GFRA1: variants seen among roughly 807,000 people sequenced by gnomAD.
GFRA1 encodes the protein GDNF family receptor alpha 1, also known as GDNF family receptor alpha-1.
GFRA1 carries 16 observed loss-of-function variants against 51.6 expected under a neutral mutation model. The observed-to-expected ratio is 0.31, with a 90% CI of 0.21 to 0.47. GFRA1 has a LOEUF of 0.47. GFRA1 is among the 20% of genes least tolerant of loss of function. GFRA1 has a pLI of 1.00. For missense variants in GFRA1, 530 were observed against 594.3 expected (o/e 0.89, Z 1.13); for synonymous variants, 270 against 241.3 (o/e 1.12, Z -1.10).
At chr10:116,130,097 A>G (rs893827443) in intron 5 of GFRA1, among the ~76,000 whole-genome samples, 2 of 151,394 alleles carry the variant, frequency 1.3e-5, no homozygotes, top group Non-Finnish European at 1.5e-5. Flanking sequence ...AAAAAAAAGC[A>G]CTTAAAAGGA....
chr10:116,205,143 C>T (rs1429709250), intron 5 of GFRA1, among the ~76,000 whole-genome samples: 2 of 152,152 alleles, frequency 1.3e-5, no homozygotes, highest in Non-Finnish European at 2.9e-5. Flanking sequence ...CTGTCATTGA[C>T]TGAACCACTG....
At chr10:116,137,170 T>A (rs1958361746) in intron 5 of GFRA1, among the ~76,000 whole-genome samples, 1 of 152,188 alleles carries the variant, frequency 6.6e-6, no homozygotes, top group African/African-American at 2.4e-5. Flanking sequence ...ATGTCACTTC[T>A]ACTACACAAT....
At chr10:116,240,062 T>C (rs1206560117) in intron 4 of GFRA1, among the ~76,000 whole-genome samples, 2 of 152,156 alleles carry the variant, frequency 1.3e-5, no homozygotes, top group Non-Finnish European at 2.9e-5. Context: ...TTCTCTATGA[T>C]GTATTATTAA....
chr10:116,207,949 T>C (rs1964910402), intron 5 of GFRA1, among the ~76,000 whole-genome samples: 1 of 152,090 alleles, frequency 6.6e-6, no homozygotes, highest in East Asian at 1.9e-4. Flanking sequence ...GCACTTCTCA[T>C]GTACTGTTCT....
chr10:116,148,095 T>TGTGCATGCGC, intron 5 of GFRA1, among the ~76,000 whole-genome samples: 1 of 148,246 alleles, frequency 6.7e-6, no homozygotes, highest in East Asian at 2.0e-4. Context: ...TGTGCATGCG[T>TGTGCATGCGC]GTGTGCATGC....
At chr10:116,149,668 G>T (rs1163371852) in intron 5 of GFRA1, among the ~76,000 whole-genome samples, 1 of 152,166 alleles carries the variant, frequency 6.6e-6, no homozygotes, top group African/African-American at 2.4e-5. Context: ...CTATCTTAAT[G>T]ATACAGATTC....
intron 5 of GFRA1, among the ~76,000 whole-genome samples, chr10:116,165,234 A>C (rs1960253164): frequency 6.6e-6 from 1 of 152,166 alleles, no homozygotes; most frequent in South Asian, 2.1e-4. Flanking sequence ...AGGAATGCTC[A>C]AAATAGCAGA....
At chr10:116,196,646 T>A (rs1176050791) in intron 5 of GFRA1, among the ~76,000 whole-genome samples, 1 of 8,154 alleles carries the variant, frequency 1.2e-4, no homozygotes, top group Non-Finnish European at 3.0e-4. Flanking sequence ...GTACTATATA[T>A]AATATATATA....
At chr10:116,181,133 T>C (rs1962177251) in intron 5 of GFRA1, among the ~76,000 whole-genome samples, 1 of 152,226 alleles carries the variant, frequency 6.6e-6, no homozygotes, top group Non-Finnish European at 1.5e-5. Flanking sequence ...AAAGATGTTA[T>C]TATTCTTATG....
intron 4 of GFRA1, among the ~76,000 whole-genome samples, chr10:116,250,908 A>C (rs1223772777): frequency 6.6e-6 from 1 of 152,190 alleles, no homozygotes; most frequent in East Asian, 1.9e-4. Flanking sequence ...GTTTCTGGGG[A>C]ATGCACCAGG....
At chr10:116,230,300 A>C (rs1228150137) in intron 4 of GFRA1, among the ~76,000 whole-genome samples, 1 of 152,198 alleles carries the variant, frequency 6.6e-6, no homozygotes, top group Non-Finnish European at 1.5e-5. Context: ...CTATCCCTGA[A>C]AGATGAGTAC....
chr10:116,096,511 G>A (rs1341412584), intron 7 of GFRA1, 144 bp downstream of exon 7: 3 of 640,452 alleles, frequency 4.7e-6, no homozygotes, highest in East Asian at 5.7e-5. Flanking sequence ...TTACAGGCAT[G>A]TCCTCAAGGA....
Position 116,272,412 on chromosome 10 carries a change from G to A in GFRA1, c.-246-137C>T. The A allele has an allele frequency of 2.8e-6, 1 of 351,376 alleles. No homozygotes were observed. The highest frequency in any genetic ancestry group is 5.4e-6 in the Non-Finnish European group (1 of 185,900). 21.8% of individuals were successfully genotyped at this position (351,376 alleles called of 1,614,324 possible). A position where few individuals can be genotyped will look rare whatever the true frequency, so the allele number is the denominator to read the frequency against. ...GAGGACCCACCCCCACCCAGGTCGGGGTGCATGTGCGTGTTTTCCAGGGGC... is the reference window on the plus strand; with the variant it reads ...GAGGACCCACCCCCACCCAGGTCGGAGTGCATGTGCGTGTTTTCCAGGGGC... On this transcript the variant is annotated intron_variant, in intron 1 of 10. Coordinates refer to ENST00000355422, the MANE Select transcript of GFRA1 (RefSeq NM_005264.8). This position sits in a 1 kb window ranked among gnomAD's most constrained non-coding sequence, Gnocchi z 4.4.
At chr10:116,096,874 C>T (rs1371547123) in intron 6 of GFRA1, 110 bp from the exon 7 acceptor site, 3 of 59,678 alleles carry the variant, frequency 5.0e-5, no homozygotes, top group South Asian at 5.2e-4. Context: ...TTTCTGCACA[C>T]GCACACGCAC....
At chr10:116,258,449 A>G (rs1473572432) in intron 4 of GFRA1, among the ~76,000 whole-genome samples, 2 of 148,066 alleles carry the variant, frequency 1.4e-5, no homozygotes, top group African/African-American at 4.9e-5. Context: ...AATATATAAT[A>G]TATAATGTAT....
At chr10:116,206,186 TG>T (rs1198033924) in intron 5 of GFRA1, among the ~76,000 whole-genome samples, 1 of 152,188 alleles carries the variant, frequency 6.6e-6, no homozygotes, top group Non-Finnish European at 1.5e-5. Flanking sequence ...AATGTTTACC[TG>T]GAAGTGGTAA....
At chr10:116,074,227 G>T (rs759592987) in intron 9 of GFRA1, among the ~76,000 whole-genome samples, 28 of 152,112 alleles carry the variant, frequency 1.8e-4, no homozygotes, top group Non-Finnish European at 3.7e-4. Flanking sequence ...GCTTGAAGAG[G>T]CTGCGCTGAG....
rs922847391 is a variant in GFRA1 at position 116,084,505 on chromosome 10, G to A, written c.1197+5236C>T. 3.9e-5 allele frequency among the ~76,000 whole-genome samples: 6 copies of A among 152,184 alleles called. No homozygotes were observed. In the East Asian group the frequency reaches 5.8e-4, roughly 15 times the overall value. On this transcript the variant is annotated intron_variant, in intron 9 of 10. Coordinates refer to ENST00000355422, the MANE Select transcript of GFRA1 (RefSeq NM_005264.8). ...TACCCTGCTCGCCCTGGGGCTGAGC[G>A]TGTGCCCCACGGTCTGTCACGCATT... is the stretch of plus-strand genomic sequence containing the variant.
At chr10:116,139,103 C>T (rs576459623) in intron 5 of GFRA1, among the ~76,000 whole-genome samples, 35 of 152,310 alleles carry the variant, frequency 2.3e-4, no homozygotes, top group African/African-American at 8.4e-4. Flanking sequence ...TCCTGTCCAT[C>T]GACTGTGGCT....
Sources: gnomAD v4.1 joint callset for allele counts (sites outside exome capture counted in the v4.1 genomes callset) on GRCh38, gnomAD v4.1.1 for gene constraint, Gnocchi (gnomAD v3.1) non-coding constraint, MANE v1.5 for transcripts, NCBI Gene and HGNC (gene_info 2026-07-23, HGNC 2026-07-21) for gene names.